Variants in PDE1C observed in about 807,000 individuals in gnomAD.
PDE1C encodes phosphodiesterase 1C, also known as dual specificity calcium/calmodulin-dependent 3',5'-cyclic nucleotide phosphodiesterase 1C.
Under a neutral mutation model 93.1 loss-of-function variants are expected in PDE1C, and 62 were observed. The ratio of observed to expected loss-of-function variants is 0.67; its 90% CI spans 0.54 to 0.82. The LOEUF (loss-of-function observed/expected upper bound fraction) is 0.82. Ranked by LOEUF, PDE1C falls within the 40% of genes least tolerant of loss-of-function variation. The probability of loss-of-function intolerance (pLI) is 0.00; values close to 1 mark genes in which losing one functional copy is unlikely to be tolerated. For missense variants in PDE1C, 742 were observed against 884.6 expected, an observed-to-expected ratio of 0.84 and a Z score of 2.04; for synonymous variants, 325 against 310.1, an observed-to-expected ratio of 1.05 and a Z score of -0.50.
chr7:31,690,070 T>A, the PDE1C span, among the ~76,000 whole-genome samples: 1 of 152,220 alleles, frequency 6.6e-6, no homozygotes. Flanking sequence ...GTTTGATTAT[T>A]CAATTCATCG....
In PDE1C at chr7:32,127,014, C is replaced by A. The variant is rs375269644; in HGVS notation, c.308+42771G>T. On this transcript the variant is annotated intron_variant, in intron 3 of 18. Coordinates refer to the PDE1C transcript ENST00000396193. ...TTGGTAGACTGAAAAAAGCAGGTTG[C>A]CCTCCCCAGTGTGAAAGGGCCTCAT... is the stretch of plus-strand genomic sequence containing the variant. Among the ~76,000 whole-genome samples, 13 of 152,210 alleles carry A rather than the reference C, an allele frequency of 8.5e-5. No homozygotes were observed. In the East Asian group the frequency reaches 2.1e-3, roughly 25 times the overall value.
At position 31,823,203 on chromosome 7, in the gene PDE1C, C is replaced by G; in HGVS notation, c.1452G>C (p.Lys484Asn). 1 of 1,612,814 alleles carries G rather than the reference C, an allele frequency of 6.2e-7. No homozygotes were observed. Among genetic ancestry groups the G allele is most frequent in the Non-Finnish European group, 8.5e-7 (1 of 1,179,336 alleles). ...SSSDAKRSGV[K>N]TSGSEGSAPI... ...GGGCACTTCCCTCTGAACCAGAGGT[C>G]TTGACACCTGATCGCTTGGCATCTG... Residue 484 changes from lysine (K) to asparagine (N), a missense_variant, in exon 14 of 18, where the codon AAG (lysine) becomes AAC (asparagine). Coordinates refer to ENST00000396191, the MANE Select transcript of PDE1C (RefSeq NM_001191057.4).
At chr7:31,777,764 A>G (rs1396296830) in intron 16 of PDE1C, among the ~76,000 whole-genome samples, 1 of 152,160 alleles carries the variant, frequency 6.6e-6, no homozygotes. Context: ...AATAGAAAAC[A>G]TAAAATTAAT....
intron 1 of PDE1C, among the ~76,000 whole-genome samples, chr7:32,378,690 C>G (rs1784476196): frequency 6.6e-6 from 1 of 152,168 alleles, no homozygotes; most frequent in Non-Finnish European, 1.5e-5. Context: ...CAACTAGACC[C>G]ACCCCATCCA....
chr7:31,643,038 C>T, the PDE1C span: 4 of 1,614,014 alleles, frequency 2.5e-6, no homozygotes, highest in South Asian at 2.2e-5. Context: ...TCACCAGACC[C>T]ACAGCCACTT....
the PDE1C span, chr7:31,656,526 A>T: frequency 2.3e-6 from 2 of 883,516 alleles, no homozygotes; most frequent in African/African-American, 6.4e-5. Context: ...CTTCTGTTGA[A>T]AAGAACTGTT....
intron 2 of PDE1C, among the ~76,000 whole-genome samples, chr7:32,208,524 A>G (rs1459540613): frequency 6.6e-6 from 1 of 152,158 alleles, no homozygotes; most frequent in Non-Finnish European, 1.5e-5. Flanking sequence ...TAATGTAACA[A>G]TGTCCAATTT....
intron 6 of PDE1C, among the ~76,000 whole-genome samples, chr7:31,873,011 G>A (rs1044930110): frequency 6.6e-6 from 1 of 152,168 alleles, no homozygotes; most frequent in Non-Finnish European, 1.5e-5. Flanking sequence ...GAGCCTGAAA[G>A]GGAGCTTGGT....
At chr7:32,293,674 C>A (rs1812470388) in intron 1 of PDE1C, among the ~76,000 whole-genome samples, 1 of 152,140 alleles carries the variant, frequency 6.6e-6, no homozygotes, top group Admixed American at 6.5e-5. Flanking sequence ...GCAGAGACTG[C>A]AAGCCTCCGT....
intron 1 of PDE1C, among the ~76,000 whole-genome samples, chr7:32,290,842 A>G (rs1400903003): frequency 6.6e-6 from 1 of 152,226 alleles, no homozygotes; most frequent in Non-Finnish European, 1.5e-5. Context: ...AGTGAAGCAC[A>G]TGAAAAATGC....
intron 1 of PDE1C, among the ~76,000 whole-genome samples, chr7:32,417,978 G>A (rs1785308736): frequency 6.6e-6 from 1 of 152,068 alleles, no homozygotes; most frequent in African/African-American, 2.4e-5. Context: ...GTTTTTGTTT[G>A]TTTGTTTTTG....
At chr7:32,337,390 A>G (rs980420423) in intron 1 of PDE1C, among the ~76,000 whole-genome samples, 5 of 152,212 alleles carry the variant, frequency 3.3e-5, no homozygotes, top group African/African-American at 1.2e-4. Context: ...AGGAAAGAAC[A>G]GCATGCTACA....
At chr7:32,110,612 C>G (rs1279702162) in intron 3 of PDE1C, among the ~76,000 whole-genome samples, 1 of 152,184 alleles carries the variant, frequency 6.6e-6, no homozygotes, top group Non-Finnish European at 1.5e-5. Context: ...TCAGAGACTT[C>G]CCTCTGATTA....
chr7:31,696,950 C>A, the PDE1C span: 1 of 1,612,812 alleles, frequency 6.2e-7, no homozygotes, highest in South Asian at 1.1e-5. Flanking sequence ...TCTCTGTGTT[C>A]CCCTAACCAT....
chr7:32,257,945 T>C (rs984615286), intron 1 of PDE1C, among the ~76,000 whole-genome samples: 1 of 152,232 alleles, frequency 6.6e-6, no homozygotes, highest in Non-Finnish European at 1.5e-5. Context: ...GAAATGGGCA[T>C]AGCAGGTTAC....
At chr7:31,817,841 G>A (rs1282647401) in intron 14 of PDE1C, among the ~76,000 whole-genome samples, 3 of 152,070 alleles carry the variant, frequency 2.0e-5, no homozygotes, top group African/African-American at 7.2e-5. Context: ...AGATTCACAC[G>A]TTCACGAGGC....
chr7:32,157,356 A>G (rs1200547059), intron 3 of PDE1C, among the ~76,000 whole-genome samples: 1 of 152,220 alleles, frequency 6.6e-6, no homozygotes, highest in Non-Finnish European at 1.5e-5. Context: ...CAAAACAAAG[A>G]TAATTGTTTG....
intron 3 of PDE1C, among the ~76,000 whole-genome samples, chr7:31,879,816 T>C (rs1465286640): frequency 1.3e-5 from 2 of 152,188 alleles, no homozygotes; most frequent in African/African-American, 4.8e-5. Flanking sequence ...AAGAGCAATG[T>C]TAAAATAAAA....
chr7:32,304,531 A>G (rs973785037), intron 1 of PDE1C, among the ~76,000 whole-genome samples: 2 of 152,168 alleles, frequency 1.3e-5, no homozygotes, highest in Admixed American at 1.3e-4. Context: ...ATGGCTCCAT[A>G]GCAAATAGGT....
Sources: gnomAD v4.1 joint callset for allele counts (sites outside exome capture counted in the v4.1 genomes callset) on GRCh38, gnomAD v4.1.1 for gene constraint, MANE v1.5 for transcripts, NCBI Gene and HGNC (gene_info 2026-07-23, HGNC 2026-07-21) for gene names.